Variants in CDH26 observed in about 807,000 individuals in gnomAD.
CDH26 encodes cadherin 26.
In CDH26, 83 loss-of-function variants were observed where a neutral mutation model predicts 90.3. The ratio of observed to expected loss-of-function variants is 0.92; its 90% CI spans 0.77 to 1.10. The LOEUF (loss-of-function observed/expected upper bound fraction) is 1.10, where lower values mean the gene tolerates loss of function less well. CDH26 is among the 50% of genes least tolerant of loss of function. The pLI, the probability that CDH26 is intolerant of heterozygous loss-of-function variation, is 0.00. For synonymous variants in CDH26, 397 were observed against 396.3 expected (o/e 1.00, Z -0.02); for missense variants, 1,013 against 1,037.6 (o/e 0.98, Z 0.33).
chr20:59,984,127 C>G (rs1569036627), intron 5 of CDH26, among the ~76,000 whole-genome samples: 1 of 152,206 alleles, frequency 6.6e-6, no homozygotes, highest in African/African-American at 2.4e-5. Flanking sequence ...GACCTGCCCC[C>G]AGTCCACGAA....
In CDH26 at chr20:59,991,311, A is replaced by G. The variant is rs1193141574; in HGVS notation, c.1284-1067A>G. Reference sequence around the variant, plus strand: ...GACTGTGCTGAAATCAAGAACTAACAGTCCATCATTTTAGCCTCAATATGG... The same window carrying G: ...GACTGTGCTGAAATCAAGAACTAACGGTCCATCATTTTAGCCTCAATATGG... On this transcript the variant is annotated intron_variant, in intron 9 of 17. Transcript: ENST00000348616. 2.0e-5 allele frequency among the ~76,000 whole-genome samples: 3 copies of G among 152,368 alleles called. No individual in the cohort carries two copies. The East Asian group carries it at 5.8e-4, about 29-fold the overall frequency.
chr20:59,975,097 G>T (rs2061312633), intron 4 of CDH26, among the ~76,000 whole-genome samples: 1 of 152,106 alleles, frequency 6.6e-6, no homozygotes, highest in Non-Finnish European at 1.5e-5. Flanking sequence ...GCCTTGCTGG[G>T]TGTTGTGAGT....
intron 7 of CDH26, among the ~76,000 whole-genome samples, 154 bp from the exon 8 acceptor site, chr20:59,987,299 C>A (rs1209630671): frequency 3.9e-5 from 6 of 152,180 alleles, no homozygotes; most frequent in Non-Finnish European, 8.8e-5. Flanking sequence ...GGTTTAGCAG[C>A]ATGAGGAATA....
At chr20:60,007,837 T>C (rs139792627) in intron 17 of CDH26, among the ~76,000 whole-genome samples, 11 of 152,136 alleles carry the variant, frequency 7.2e-5, no homozygotes, top group African/African-American at 2.6e-4. Flanking sequence ...GAATGAAGGG[T>C]CTTTTCCTGC....
intron 1 of CDH26, among the ~76,000 whole-genome samples, chr20:59,966,231 T>TAAAAAAAAAAAAAAAA (rs60088029): frequency 2.9e-4 from 22 of 76,266 alleles, no homozygotes; most frequent in African/African-American, 1.3e-3. Flanking sequence ...GGTGTTGCAT[T>TAAAAAAAAAAAAAAAA]AAAAAAAAAA....
At chr20:59,999,796 C>T (rs1050189812) in intron 14 of CDH26, 133 bp downstream of exon 14, 17 of 711,092 alleles carry the variant, frequency 2.4e-5, no homozygotes, top group African/African-American at 5.3e-5. Context: ...GCAACCCCAG[C>T]CCCTACTTGC....
chr20:60,016,210 A>G (rs901051174), downstream of CDH26, among the ~76,000 whole-genome samples: 3 of 152,094 alleles, frequency 2.0e-5, no homozygotes, highest in African/African-American at 7.2e-5. Flanking sequence ...ATTGCTTTGC[A>G]TAGTGTGATA....
intron 13 of CDH26, among the ~76,000 whole-genome samples, chr20:59,999,161 C>T (rs186745027): frequency 6.6e-6 from 1 of 152,328 alleles, no homozygotes. Flanking sequence ...AGAAATCCAG[C>T]ACCCATCAAC....
chr20:59,999,708 T>C (rs2061650320), intron 14 of CDH26, 45 bp downstream of exon 14: 3 of 1,580,822 alleles, frequency 1.9e-6, no homozygotes, highest in African/African-American at 1.3e-5. Context: ...GAAGTGACTT[T>C]CCTGGTGGTT....
intron 11 of CDH26, among the ~76,000 whole-genome samples, chr20:59,995,317 G>A (rs1339835300): frequency 3.9e-5 from 6 of 152,196 alleles, no homozygotes; most frequent in African/African-American, 7.2e-5. Flanking sequence ...TCTATTACCA[G>A]AGAGGCTGGA....
chr20:59,978,364 A>G lies in CDH26; in HGVS notation c.394-4559A>G, dbSNP rs890399420. On this transcript the variant is annotated intron_variant, in intron 4 of 17. Transcript: ENST00000348616. ...TCCCCAGCAATAAATGAGAGTTCCTATTATTTATACTTACTTTTTTTTTTT... is the reference window on the plus strand; with the variant it reads ...TCCCCAGCAATAAATGAGAGTTCCTGTTATTTATACTTACTTTTTTTTTTT... 3.3e-5 allele frequency among the ~76,000 whole-genome samples: 5 copies of G among 150,828 alleles called. No homozygotes were observed. In the South Asian group the frequency reaches 6.3e-4, roughly 19 times the overall value.
Position 60,014,008 on chromosome 20 carries a change from A to G in CDH26, c.*1278A>G, listed in dbSNP as rs1277369639. The stretch of plus-strand genomic sequence containing the variant: ...GGCATTTTCTGGGTAATTCAGGATA[A>G]AAGTATTTTTTTTTTTAAGAAAAAT... On this transcript the variant is annotated 3_prime_UTR_variant, in exon 18 of 18. Coordinates refer to ENST00000348616, the MANE Select transcript of CDH26 (RefSeq NM_177980.4). The G allele has an allele frequency of 9.8e-6, 1 of 101,884 alleles. No individual in the cohort carries two copies. Among genetic ancestry groups the G allele is most frequent in the Non-Finnish European group, 2.4e-5 (1 of 41,468 alleles). The allele number at this position is 101,884 out of a possible 1,614,324, so 6.3% of individuals were successfully genotyped here.
At chr20:59,969,794 G>A (rs1236863568) in intron 2 of CDH26, among the ~76,000 whole-genome samples, 2 of 152,216 alleles carry the variant, frequency 1.3e-5, no homozygotes, top group African/African-American at 4.8e-5. Flanking sequence ...GACAGCCATT[G>A]GCACATAGCA....
downstream of CDH26, among the ~76,000 whole-genome samples, chr20:60,034,220 CAG>C (rs540870489): frequency 4.0e-4 from 61 of 152,274 alleles, no homozygotes; most frequent in Admixed American, 9.8e-4. Context: ...CTCTTCAAGA[CAG>C]AGTGTCACCA....
chr20:59,993,240 A>G (rs1601158645), intron 10 of CDH26, among the ~76,000 whole-genome samples: 1 of 151,876 alleles, frequency 6.6e-6, no homozygotes, highest in East Asian at 1.9e-4. Flanking sequence ...TGATTTTATG[A>G]TTGGTACTTT....
At position 59,958,716 on chromosome 20, in the gene CDH26, G is replaced by A; in HGVS notation, c.-11G>A. 1 of 1,614,098 alleles carries A rather than the reference G, an allele frequency of 6.2e-7. No homozygotes were observed. The highest frequency in any genetic ancestry group is 1.1e-5 in the South Asian group (1 of 91,074). On this transcript the variant is annotated 5_prime_UTR_variant, in exon 1 of 18. Coordinates refer to ENST00000348616, the MANE Select transcript of CDH26 (RefSeq NM_177980.4). ...AGCTGCACGTTCTGGGTCTGTCTTG[G>A]GTATTCCCATATGGCCATGAGATCC...
intron 1 of CDH26, among the ~76,000 whole-genome samples, chr20:59,959,398 C>G (rs1340683094): frequency 6.6e-6 from 1 of 151,666 alleles, no homozygotes; most frequent in African/African-American, 2.4e-5. Context: ...CCTCACCCAG[C>G]CAACACACAC....
At chr20:60,031,569 G>T in intron 8 of CDH26, 2 of 944,442 alleles carry the variant, frequency 2.1e-6, no homozygotes, top group Non-Finnish European at 2.6e-6. Flanking sequence ...TTCTTCAGAT[G>T]AAAGGAGTAT....
intron 4 of CDH26, 89 bp from the exon 5 acceptor site, chr20:59,982,834 C>T (rs895030440): frequency 4.6e-5 from 67 of 1,454,484 alleles, no homozygotes; most frequent in African/African-American, 2.8e-4. Context: ...AGGAGACAGA[C>T]GTAACACATA....
Sources: allele counts gnomAD v4.1 joint callset (sites outside exome capture counted in the v4.1 genomes callset), GRCh38; gene constraint gnomAD v4.1.1; transcripts MANE v1.5; gene names NCBI Gene and HGNC (gene_info 2026-07-23, HGNC 2026-07-21).